Variants in NRXN1 observed in about 807,000 individuals in gnomAD.
NRXN1 encodes the protein neurexin-1.
A neutral mutation model predicts 150.9 loss-of-function variants in NRXN1; 39 were observed. That is an observed-to-expected ratio of 0.26 (90% confidence interval 0.20 to 0.34). The LOEUF is 0.34. Ranked by LOEUF, NRXN1 falls within the 10% of genes least tolerant of loss-of-function variation. NRXN1 has a pLI of 1.00. For synonymous variants in NRXN1, 924 were observed against 757.0 expected (o/e 1.22, Z -3.62); for missense variants, 1,815 against 1,949.9 (o/e 0.93, Z 1.30).
At chr2:50,629,970 T>C (rs1232929866) in intron 5 of NRXN1, among the ~76,000 whole-genome samples, 6 of 151,604 alleles carry the variant, frequency 4.0e-5, no homozygotes, top group African/African-American at 1.4e-4. Context: ...GCCACAGCAA[T>C]GTTATGATAA....
At chr2:50,453,005 T>C (rs1465973027) in intron 17 of NRXN1, among the ~76,000 whole-genome samples, 1 of 152,158 alleles carries the variant, frequency 6.6e-6, no homozygotes, top group Non-Finnish European at 1.5e-5. Flanking sequence ...AAATGAAATT[T>C]TGTATTCTTT....
At chr2:50,284,851 A>C (rs567045471) in intron 17 of NRXN1, among the ~76,000 whole-genome samples, 34 of 152,280 alleles carry the variant, frequency 2.2e-4, no homozygotes, top group African/African-American at 7.0e-4. Context: ...AAATTACTGG[A>C]AACTGCAACT....
At chr2:50,542,293 G>C (rs1359355992) in intron 9 of NRXN1, among the ~76,000 whole-genome samples, 4 of 150,872 alleles carry the variant, frequency 2.7e-5, no homozygotes. Context: ...AAGAAAGAAA[G>C]AGAGAGAGAG....
At chr2:50,766,776 T>C (rs1702435608) in intron 5 of NRXN1, among the ~76,000 whole-genome samples, 1 of 152,014 alleles carries the variant, frequency 6.6e-6, no homozygotes, top group Non-Finnish European at 1.5e-5. Context: ...GACTACATTG[T>C]TTCTCTAGTT....
chr2:50,240,313 G>T (rs1486666207), intron 17 of NRXN1, among the ~76,000 whole-genome samples: 2 of 151,812 alleles, frequency 1.3e-5, no homozygotes, highest in East Asian at 1.9e-4. Flanking sequence ...TCTTCTGTAT[G>T]CACAGTAGTG....
intron 19 of NRXN1, among the ~76,000 whole-genome samples, chr2:50,069,611 G>T (rs988001938): frequency 6.6e-6 from 1 of 152,020 alleles, no homozygotes; most frequent in Non-Finnish European, 1.5e-5. Flanking sequence ...ATTTTATGAA[G>T]AATTTCAGTT....
intron 17 of NRXN1, among the ~76,000 whole-genome samples, chr2:50,373,308 T>TATTATG: frequency 6.8e-6 from 1 of 145,988 alleles, no homozygotes; most frequent in East Asian, 2.0e-4. Flanking sequence ...TTATTATTAT[T>TATTATG]ATTATTATTA....
At position 50,092,826 on chromosome 2, in the gene NRXN1, T is replaced by C. The variant is rs80058739; in HGVS notation, c.3547-1332A>G. Among the ~76,000 whole-genome samples the C allele has an allele frequency of 9.0e-3, 1,378 of 152,296 alleles. 29 individuals carry two copies. The highest frequency in any genetic ancestry group is 0.032 in the African/African-American group (1,323 of 41,566). On this transcript the variant is annotated intron_variant, in intron 18 of 22. Transcript: ENST00000401669. Reference sequence around the variant, plus strand: ...CTTCCCCCTGGGTTCTTATTGTACATAAAGATCTCTTTCTTATAAGTTAGC... The same window carrying C: ...CTTCCCCCTGGGTTCTTATTGTACACAAAGATCTCTTTCTTATAAGTTAGC...
At chr2:49,999,288 A>C (rs1052972442) in intron 21 of NRXN1, among the ~76,000 whole-genome samples, 1 of 152,306 alleles carries the variant, frequency 6.6e-6, no homozygotes, top group African/African-American at 2.4e-5. Context: ...TAAATATGCT[A>C]TCTCCAAAAT....
intron 8 of NRXN1, among the ~76,000 whole-genome samples, chr2:50,587,800 G>T (rs1482772203): frequency 6.6e-6 from 1 of 151,860 alleles, no homozygotes; most frequent in African/African-American, 2.4e-5. Context: ...ATATAAATGG[G>T]GTTTGTGAAA....
intron 11 of NRXN1, among the ~76,000 whole-genome samples, chr2:50,529,353 C>A (rs2093039008): frequency 6.6e-6 from 1 of 152,158 alleles, no homozygotes; most frequent in African/African-American, 2.4e-5. Context: ...ACAGTGTTAT[C>A]TCTGTGTAAT....
At chr2:49,930,213 C>G (rs760714296) in intron 22 of NRXN1, among the ~76,000 whole-genome samples, 13 of 152,082 alleles carry the variant, frequency 8.5e-5, no homozygotes, top group Non-Finnish European at 1.5e-4. Context: ...ATCACAGAGA[C>G]TGTAGACTAT....
intron 5 of NRXN1, among the ~76,000 whole-genome samples, chr2:50,861,586 C>T (rs1024168667): frequency 3.9e-5 from 6 of 152,018 alleles, no homozygotes; most frequent in Non-Finnish European, 7.4e-5. Context: ...CTCTTCATAA[C>T]CAGAGGAGCG....
chr2:50,474,454 T>C lies in NRXN1; in HGVS notation c.3071-1983A>G, dbSNP rs979074102. Among the ~76,000 whole-genome samples the C allele has an allele frequency of 2.6e-5, 4 of 151,634 alleles. No homozygotes were observed. The East Asian group carries it at 7.8e-4, about 30-fold the overall frequency. ...TCAAAGAGGGTGCTGATTTCTAATTTAAGGACTGAGCTCTGGTGAATCTCA... is the reference window on the plus strand; with the variant it reads ...TCAAAGAGGGTGCTGATTTCTAATTCAAGGACTGAGCTCTGGTGAATCTCA... On this transcript the variant is annotated intron_variant, in intron 15 of 22. Coordinates refer to ENST00000401669, the MANE Select transcript of NRXN1 (RefSeq NM_001330078.2).
chr2:49,961,270 G>A (rs147944795), intron 21 of NRXN1, among the ~76,000 whole-genome samples: 212 of 151,472 alleles, frequency 1.4e-3, no homozygotes, highest in African/African-American at 4.7e-3. Flanking sequence ...TTTAAAATTC[G>A]CATTGTTGCT....
rs139763963 is a variant in NRXN1, at chr2:50,062,739, T to A, written c.3719-7695A>T. On this transcript the variant is annotated intron_variant, in intron 19 of 22. Transcript: ENST00000401669. ...TCAGTAGAGACAAGCTATATGAACA[T>A]CACTGATGTATAGTTTTTCTCCTTT... is the stretch of plus-strand genomic sequence containing the variant. Among the ~76,000 whole-genome samples, 15 of 152,274 alleles carry A rather than the reference T, an allele frequency of 9.9e-5. No individual in the cohort carries two copies. The East Asian group carries it at 2.9e-3, about 29-fold the overall frequency.
At chr2:50,784,396 T>C (rs999589773) in intron 5 of NRXN1, among the ~76,000 whole-genome samples, 1 of 151,874 alleles carries the variant, frequency 6.6e-6, no homozygotes, top group Non-Finnish European at 1.5e-5. Flanking sequence ...TTGAAGGAGA[T>C]GGCAGTAGAA....
intron 21 of NRXN1, among the ~76,000 whole-genome samples, chr2:50,020,392 A>G (rs561895169): frequency 6.6e-6 from 1 of 152,326 alleles, no homozygotes; most frequent in South Asian, 2.1e-4. Context: ...ACTGAAAGTG[A>G]GCTTATGAAA....
At chr2:50,009,945 T>C (rs1222937672) in intron 21 of NRXN1, among the ~76,000 whole-genome samples, 1 of 152,124 alleles carries the variant, frequency 6.6e-6, no homozygotes, top group East Asian at 1.9e-4. Flanking sequence ...TGAGGCATAA[T>C]CTAGGTTTGT....
Sources: gnomAD v4.1 joint callset for allele counts (sites outside exome capture counted in the v4.1 genomes callset) on GRCh38, gnomAD v4.1.1 for gene constraint, MANE v1.5 for transcripts, NCBI Gene and HGNC (gene_info 2026-07-23, HGNC 2026-07-21) for gene names.